The following CDH12 variants were observed in gnomAD, a reference collection of about 807,000 sequenced individuals.
CDH12 encodes the protein cadherin-12.
CDH12 carries 41 observed loss-of-function variants against 74.1 expected under a neutral mutation model. The ratio of observed to expected loss-of-function variants is 0.55; its 90% CI spans 0.43 to 0.72. The LOEUF is 0.72. CDH12 is among the 30% of genes least tolerant of loss of function. The probability of loss-of-function intolerance (pLI) is 0.00; values close to 1 mark genes in which losing one functional copy is unlikely to be tolerated. For missense variants in CDH12, 945 were observed against 977.2 expected, an observed-to-expected ratio of 0.97 and a Z score of 0.44; for synonymous variants, 399 against 355.0, an observed-to-expected ratio of 1.12 and a Z score of -1.39.
At chr5:21,863,707 C>A (rs1751174627) in intron 6 of CDH12, among the ~76,000 whole-genome samples, 1 of 152,030 alleles carries the variant, frequency 6.6e-6, no homozygotes, top group Non-Finnish European at 1.5e-5. Context: ...TCACTGTTTT[C>A]AATTTAGAGA....
At chr5:22,070,578 C>T (rs1032902080) in intron 5 of CDH12, among the ~76,000 whole-genome samples, 1 of 152,208 alleles carries the variant, frequency 6.6e-6, no homozygotes, top group African/African-American at 2.4e-5. Flanking sequence ...TTCCAGCAGA[C>T]TGCCTTCAGG....
At chr5:22,193,597 A>T (rs1314544685) in intron 4 of CDH12, among the ~76,000 whole-genome samples, 1 of 152,130 alleles carries the variant, frequency 6.6e-6, no homozygotes, top group African/African-American at 2.4e-5. Flanking sequence ...CAGAAATTAT[A>T]GTTCATTTTT....
intron 4 of CDH12, among the ~76,000 whole-genome samples, chr5:22,144,348 A>G (rs1418907531): frequency 6.6e-6 from 1 of 152,206 alleles, no homozygotes; most frequent in African/African-American, 2.4e-5. Flanking sequence ...AACTTTATCC[A>G]ACTAATACTT....
intron 1 of CDH12, among the ~76,000 whole-genome samples, chr5:22,584,792 T>A (rs1040426866): frequency 1.3e-5 from 2 of 152,166 alleles, no homozygotes; most frequent in African/African-American, 4.8e-5. Flanking sequence ...AGCCTAAAAA[T>A]AAAATACATA....
chr5:22,024,355 T>G (rs1355739725), intron 5 of CDH12, among the ~76,000 whole-genome samples: 1 of 152,132 alleles, frequency 6.6e-6, no homozygotes, highest in Non-Finnish European at 1.5e-5. Flanking sequence ...CAGACAATAC[T>G]CTTCAACTTA....
chr5:22,041,210 A>T (rs1439660316), intron 5 of CDH12, among the ~76,000 whole-genome samples: 1 of 152,080 alleles, frequency 6.6e-6, no homozygotes. Flanking sequence ...TTAAAAAAAG[A>T]ATTAAAACTT....
chr5:22,335,676 C>T (rs1032192050), intron 3 of CDH12, among the ~76,000 whole-genome samples: 1 of 152,132 alleles, frequency 6.6e-6, no homozygotes, highest in South Asian at 2.1e-4. Context: ...ACGTGACTTG[C>T]TCCTTCTTGC....
intron 6 of CDH12, among the ~76,000 whole-genome samples, chr5:21,908,263 G>T (rs192825868): frequency 6.8e-4 from 103 of 152,332 alleles, no homozygotes; most frequent in Non-Finnish European, 1.2e-3. Flanking sequence ...GAATTCTTAG[G>T]AAGTTCTGTG....
chr5:22,795,608 C>A (rs1238215576), intron 1 of CDH12, among the ~76,000 whole-genome samples: 1 of 151,146 alleles, frequency 6.6e-6, no homozygotes, highest in African/African-American at 2.4e-5. Context: ...CACACACACA[C>A]AAACACACAT....
chr5:22,517,714 T>G (rs1202397621), intron 1 of CDH12, among the ~76,000 whole-genome samples: 1 of 152,174 alleles, frequency 6.6e-6, no homozygotes, highest in Non-Finnish European at 1.5e-5. Flanking sequence ...ATTTTTCAGC[T>G]TACGTTTATT....
intron 3 of CDH12, among the ~76,000 whole-genome samples, chr5:22,393,620 T>C (rs1742338455): frequency 2.6e-5 from 4 of 151,382 alleles, no homozygotes; most frequent in African/African-American, 9.8e-5. Context: ...AGAAGCACAA[T>C]AGAAAATTCC....
intron 1 of CDH12, among the ~76,000 whole-genome samples, chr5:22,777,755 A>G (rs963704036): frequency 1.3e-5 from 2 of 152,034 alleles, no homozygotes; most frequent in East Asian, 1.9e-4. Context: ...AATTATTTCT[A>G]TGTAAGTTGC....
chr5:22,056,653 C>T (rs1398904196), intron 5 of CDH12, among the ~76,000 whole-genome samples: 2 of 152,124 alleles, frequency 1.3e-5, no homozygotes, highest in Non-Finnish European at 2.9e-5. Flanking sequence ...TCCCTAGATG[C>T]CATTCAGAAA....
intron 2 of CDH12, among the ~76,000 whole-genome samples, chr5:22,479,098 G>C (rs1746286626): frequency 6.6e-6 from 1 of 152,152 alleles, no homozygotes; most frequent in African/African-American, 2.4e-5. Flanking sequence ...TCAGATATCA[G>C]GGCCTACAGC....
In CDH12 at chr5:22,614,901, G is replaced by A. The variant is rs561185354; in HGVS notation, c.-522-109537C>T. Among the ~76,000 whole-genome samples the A allele has an allele frequency of 2.3e-3, 344 of 152,086 alleles. 1 individual carries two copies. The highest frequency in any genetic ancestry group is 7.4e-3 in the African/African-American group (305 of 41,492). ...TGACAGTTAATCTGATCACAGAGAC[G>A]GTTACCAAGCAACTCATGGGTAGGG... On this transcript the variant is annotated intron_variant, in intron 1 of 14. Coordinates refer to ENST00000382254, the MANE Select transcript of CDH12 (RefSeq NM_004061.5).
intron 4 of CDH12, among the ~76,000 whole-genome samples, chr5:22,149,053 G>A (rs915678925): frequency 3.3e-5 from 5 of 152,182 alleles, no homozygotes; most frequent in African/African-American, 1.2e-4. Flanking sequence ...AGGAGGCAGA[G>A]GTTGCAGTGA....
chr5:22,846,284 T>C (rs928647159), intron 1 of CDH12, among the ~76,000 whole-genome samples: 3 of 152,106 alleles, frequency 2.0e-5, no homozygotes, highest in Admixed American at 6.6e-5. Flanking sequence ...ATAGAAATAT[T>C]GAGCAGGCAT....
At chr5:22,790,081 G>A (rs1331747256) in intron 1 of CDH12, among the ~76,000 whole-genome samples, 1 of 152,088 alleles carries the variant, frequency 6.6e-6, no homozygotes, top group African/African-American at 2.4e-5. Context: ...AAGTGATGAT[G>A]TGGCTCATGA....
chr5:22,079,492 A>T (rs1481373088), intron 4 of CDH12, among the ~76,000 whole-genome samples: 1 of 152,218 alleles, frequency 6.6e-6, no homozygotes, highest in Non-Finnish European at 1.5e-5. Flanking sequence ...AAAGAACAAG[A>T]TAAATTATTA....
Sources: allele counts gnomAD v4.1 joint callset (sites outside exome capture counted in the v4.1 genomes callset), GRCh38; gene constraint gnomAD v4.1.1; transcripts MANE v1.5; gene names NCBI Gene and HGNC (gene_info 2026-07-23, HGNC 2026-07-21).